Variants in CCDC126 observed in about 807,000 individuals in gnomAD.
CCDC126 encodes the protein coiled-coil domain containing 126.
A neutral mutation model predicts 11.7 loss-of-function variants in CCDC126; 5 were observed. That is an observed-to-expected ratio of 0.43 (90% CI 0.22 to 0.90). The LOEUF (loss-of-function observed/expected upper bound fraction) is 0.90, where lower values mean the gene tolerates loss of function less well. Ranked by LOEUF, CCDC126 falls within the 40% of genes least tolerant of loss-of-function variation. The probability of loss-of-function intolerance (pLI) is 0.27; values close to 1 mark genes in which losing one functional copy is unlikely to be tolerated. For missense variants in CCDC126, 150 were observed against 163.1 expected (o/e 0.92, Z 0.44); for synonymous variants, 60 against 61.9 (o/e 0.97, Z 0.14).
intron 3 of CCDC126, among the ~76,000 whole-genome samples, chr7:23,632,093 G>GTT (rs200021592): frequency 6.1e-4 from 82 of 134,724 alleles, no homozygotes; most frequent in Admixed American, 3.1e-3. Context: ...CACCAAGTGG[G>GTT]TTTTTTTTTT....
intron 3 of CCDC126, among the ~76,000 whole-genome samples, chr7:23,617,918 A>T (rs1390158934): frequency 6.6e-6 from 1 of 152,188 alleles, no homozygotes; most frequent in South Asian, 2.1e-4. Context: ...AAATCCATGG[A>T]TTTTGGTATC....
intron 3 of CCDC126, among the ~76,000 whole-genome samples, chr7:23,619,874 T>A (rs1402195654): frequency 6.6e-6 from 1 of 151,832 alleles, no homozygotes; most frequent in African/African-American, 2.4e-5. Flanking sequence ...GAATGATGGT[T>A]TCCAGCTTCA....
intron 3 of CCDC126, among the ~76,000 whole-genome samples, chr7:23,623,454 G>A (rs1782960068): frequency 6.6e-6 from 1 of 152,084 alleles, no homozygotes; most frequent in African/African-American, 2.4e-5. Flanking sequence ...AAGTTGGCCA[G>A]GTGTGGCGTT....
chr7:23,604,735 AC>A (rs1172807488), intron 2 of CCDC126, among the ~76,000 whole-genome samples: 1 of 152,078 alleles, frequency 6.6e-6, no homozygotes, highest in African/African-American at 2.4e-5. Context: ...GGTGGCTCAC[AC>A]CTGTAATCCC....
chr7:23,636,343 C>T (rs1434454147), intron 3 of CCDC126, among the ~76,000 whole-genome samples: 1 of 150,032 alleles, frequency 6.7e-6, no homozygotes, highest in Non-Finnish European at 1.5e-5. Flanking sequence ...TATGAGGAGC[C>T]TCTCTGCCTG....
intron 3 of CCDC126, among the ~76,000 whole-genome samples, chr7:23,636,287 T>C (rs1318510886): frequency 1.3e-5 from 2 of 151,856 alleles, no homozygotes; most frequent in African/African-American, 4.8e-5. Context: ...CGCCACCCCG[T>C]CTGGGAAGTG....
chr7:23,625,818 G>A (rs1433360286), intron 3 of CCDC126, among the ~76,000 whole-genome samples: 1 of 151,650 alleles, frequency 6.6e-6, no homozygotes, highest in Non-Finnish European at 1.5e-5. Flanking sequence ...ACCACGCCCA[G>A]CTAATTTTTT....
intron 3 of CCDC126, among the ~76,000 whole-genome samples, chr7:23,640,778 C>T (rs1310066045): frequency 3.3e-5 from 5 of 151,996 alleles, no homozygotes; most frequent in East Asian, 1.9e-4. Context: ...CTTAGCATAA[C>T]GTTTTCAAGG....
intron 3 of CCDC126, among the ~76,000 whole-genome samples, chr7:23,630,330 C>T (rs1442953234): frequency 6.6e-6 from 1 of 151,412 alleles, no homozygotes; most frequent in Non-Finnish European, 1.5e-5. Flanking sequence ...GAAACCCCAT[C>T]TCTACTAAAA....
At chr7:23,598,850 C>T in intron 2 of CCDC126, among the ~76,000 whole-genome samples, 1 of 152,156 alleles carries the variant, frequency 6.6e-6, no homozygotes, top group Non-Finnish European at 1.5e-5. Context: ...ATCTGTGTAA[C>T]CTGAGATTAC....
chr7:23,611,621 C>T, intron 3 of CCDC126, 68 bp downstream of exon 3: 1 of 1,121,686 alleles, frequency 8.9e-7, no homozygotes, highest in Non-Finnish European at 1.3e-6. Context: ...GGAAATTGAA[C>T]TTATTACTTC....
intron 3 of CCDC126, among the ~76,000 whole-genome samples, chr7:23,631,494 C>T (rs561222009): frequency 5.3e-5 from 8 of 152,156 alleles, no homozygotes; most frequent in South Asian, 4.2e-4. Context: ...TGGCCAAGTG[C>T]GGTGGCTCAC....
At chr7:23,619,785 A>G (rs934710050) in intron 3 of CCDC126, among the ~76,000 whole-genome samples, 10 of 126,810 alleles carry the variant, frequency 7.9e-5, no homozygotes, top group African/African-American at 3.1e-4. Context: ...CCTGTGTCCT[A>G]GTGTTCTCAT....
intron 3 of CCDC126, among the ~76,000 whole-genome samples, chr7:23,632,110 T>C (rs1322676704): frequency 4.6e-5 from 7 of 151,574 alleles, no homozygotes; most frequent in African/African-American, 1.7e-4. Context: ...TTTTTTTTTT[T>C]TGAGATGGAG....
At chr7:23,630,063 A>G (rs917158978) in intron 3 of CCDC126, among the ~76,000 whole-genome samples, 5 of 152,272 alleles carry the variant, frequency 3.3e-5, no homozygotes, top group African/African-American at 1.2e-4. Flanking sequence ...AAAAAAGGAA[A>G]GAGACCAGCC....
intron 3 of CCDC126, among the ~76,000 whole-genome samples, chr7:23,636,916 C>T (rs370660539): frequency 0.066 from 4,735 of 71,676 alleles, 264 homozygotes; most frequent in Non-Finnish European, 0.085. Context: ...GTCAGCCCCC[C>T]GCCCGGCCAG....
intron 2 of CCDC126, among the ~76,000 whole-genome samples, chr7:23,599,890 T>G (rs1431959544): frequency 6.6e-6 from 1 of 152,198 alleles, no homozygotes; most frequent in African/African-American, 2.4e-5. Context: ...GTTCAAGCGA[T>G]TCTTGTACCT....
In CCDC126 at chr7:23,628,981, C is replaced by T. The variant is rs550684368; in HGVS notation, c.239-13950C>T. Among the ~76,000 whole-genome samples, 5 of 152,292 alleles carry T rather than the reference C, an allele frequency of 3.3e-5. No homozygotes were observed. The East Asian group carries it at 7.7e-4, about 24-fold the overall frequency. On this transcript the variant is annotated intron_variant, in intron 3 of 3. Transcript: ENST00000307471. Reference sequence around the variant, plus strand: ...GCCTGGCAGTAACAAGGTGGCACCCCTCCCCTGCCAGAGTGGTGTTAGAGA... The same window carrying T: ...GCCTGGCAGTAACAAGGTGGCACCCTTCCCCTGCCAGAGTGGTGTTAGAGA...
At chr7:23,611,821 T>TC (rs1247084754) in intron 3 of CCDC126, among the ~76,000 whole-genome samples, 1 of 152,234 alleles carries the variant, frequency 6.6e-6, no homozygotes, top group African/African-American at 2.4e-5. Flanking sequence ...TTATGACATT[T>TC]CGCTGCTAGA....
Sources: allele counts gnomAD v4.1 joint callset (sites outside exome capture counted in the v4.1 genomes callset), GRCh38; gene constraint gnomAD v4.1.1; transcripts MANE v1.5; gene names NCBI Gene and HGNC (gene_info 2026-07-23, HGNC 2026-07-21).